The following ENDOD1 variants were observed in gnomAD, a reference collection of about 807,000 sequenced individuals.
The protein encoded by ENDOD1 is endonuclease domain containing 1.
Under a neutral mutation model 6.5 loss-of-function variants are expected in ENDOD1, and 9 were observed. The observed-to-expected ratio is 1.39, with a 90% CI of 0.84 to 2.43. ENDOD1 has a LOEUF of 2.43. Among genes scored for constraint, ENDOD1 ranks in the 30% most tolerant of loss-of-function variants. The pLI, the probability that ENDOD1 is intolerant of heterozygous loss-of-function variation, is 0.00. For synonymous variants in ENDOD1, 255 were observed against 255.2 expected, an observed-to-expected ratio of 1.00 and a Z score of 0.01; for missense variants, 648 against 635.5, an observed-to-expected ratio of 1.02 and a Z score of -0.21.
intron 1 of ENDOD1, among the ~76,000 whole-genome samples, chr11:95,122,489 C>T (rs559299247): frequency 4.1e-5 from 4 of 98,280 alleles, no homozygotes; most frequent in African/African-American, 1.6e-4. Context: ...TCCAACCACT[C>T]AGCCTCCCAA....
At chr11:95,100,625 A>C (rs1433216466) in intron 1 of ENDOD1, among the ~76,000 whole-genome samples, 1 of 150,994 alleles carries the variant, frequency 6.6e-6, no homozygotes, top group Non-Finnish European at 1.5e-5. Flanking sequence ...AGTAGACCAC[A>C]GGCATGTGCC....
intron 1 of ENDOD1, among the ~76,000 whole-genome samples, chr11:95,108,714 G>A (rs1200842861): frequency 6.6e-5 from 10 of 151,918 alleles, no homozygotes; most frequent in African/African-American, 2.4e-4. Flanking sequence ...CTCCTCAAAT[G>A]TCCTTAATCT....
chr11:95,122,224 TA>T (rs1348757011), intron 1 of ENDOD1, among the ~76,000 whole-genome samples: 3 of 152,200 alleles, frequency 2.0e-5, no homozygotes, highest in East Asian at 1.9e-4. Flanking sequence ...TTTTTCTATA[TA>T]TTTTTTTCAG....
intron 1 of ENDOD1, among the ~76,000 whole-genome samples, chr11:95,114,585 C>G (rs1175904683): frequency 6.6e-6 from 1 of 152,164 alleles, no homozygotes; most frequent in Non-Finnish European, 1.5e-5. Context: ...GAGCAGTGTC[C>G]TATAAAGTTT....
chr11:95,125,506 A>C (rs555886880), intron 1 of ENDOD1, among the ~76,000 whole-genome samples: 1 of 152,132 alleles, frequency 6.6e-6, no homozygotes, highest in South Asian at 2.1e-4. Context: ...GGTTTGTTAC[A>C]TATGTATACA....
intron 1 of ENDOD1, among the ~76,000 whole-genome samples, chr11:95,112,977 C>A (rs1404916313): frequency 6.6e-6 from 1 of 151,090 alleles, no homozygotes; most frequent in Non-Finnish European, 1.5e-5. Context: ...GGCACGTGGT[C>A]CCGTCACATA....
At chr11:95,108,534 C>CACACACACAAAAA (rs1176686943) in intron 1 of ENDOD1, among the ~76,000 whole-genome samples, 7 of 141,756 alleles carry the variant, frequency 4.9e-5, no homozygotes, top group African/African-American at 1.8e-4. Flanking sequence ...CACAGACACC[C>CACACACACAAAAA]AAAAAAAGAA....
In ENDOD1 at chr11:95,128,998, A is replaced by T. The variant is rs1359343743; in HGVS notation, c.922A>T (p.Thr308Ser). The T allele has an allele frequency of 1.2e-6, 2 of 1,613,948 alleles. No homozygotes were observed. Among genetic ancestry groups the T allele is most frequent in the African/African-American group, 1.3e-5 (1 of 75,028 alleles). ...SQKSSSPLSS[T>S]RSKRSTLLPP... is the part of the protein sequence containing the mutation. ...AAAGAGTTCTAGTCCCCTTTCTAGC[A>T]CCAGGAGCAAGAGGTCTACTCTGTT... is the stretch of plus-strand genomic sequence containing the variant. The change falls in exon 2 of 2, where the codon ACC becomes TCC. Residue 308 changes from threonine to serine, a missense_variant. Thr to Ser is a moderately conservative substitution (Grantham distance 58). Transcript: ENST00000278505.
At chr11:95,093,346 T>G (rs1237043249) in intron 1 of ENDOD1, among the ~76,000 whole-genome samples, 1 of 152,138 alleles carries the variant, frequency 6.6e-6, no homozygotes, top group African/African-American at 2.4e-5. Flanking sequence ...GCTGATTCCC[T>G]TTGCCCAAAT....
intron 1 of ENDOD1, among the ~76,000 whole-genome samples, chr11:95,119,312 A>G (rs1271239356): frequency 2.0e-5 from 3 of 152,212 alleles, no homozygotes; most frequent in African/African-American, 7.2e-5. Flanking sequence ...TCCTTCTTGG[A>G]AGGCTTTCCA....
intron 1 of ENDOD1, among the ~76,000 whole-genome samples, chr11:95,112,486 G>C (rs565512249): frequency 6.6e-6 from 1 of 152,278 alleles, no homozygotes; most frequent in South Asian, 2.1e-4. Flanking sequence ...TTATGTGAAG[G>C]GTAAATGGGA....
rs565623355 is a variant in ENDOD1, at chr11:95,113,030, T to C, written c.301-15347T>C. On this transcript the variant is annotated intron_variant, in intron 1 of 1. Coordinates refer to ENST00000278505, the MANE Select transcript of ENDOD1 (RefSeq NM_015036.3). ...GGCAAATTACTGAAGCTTTTTTTTTTTTAATTTAAATTTTTTTGTGGGTAC... is the reference window on the plus strand; with the variant it reads ...GGCAAATTACTGAAGCTTTTTTTTTCTTAATTTAAATTTTTTTGTGGGTAC... Among the ~76,000 whole-genome samples, 37 of 152,140 alleles carry C rather than the reference T, an allele frequency of 2.4e-4. No homozygotes were observed. The South Asian group carries it at 6.6e-3, about 27-fold the overall frequency.
intron 1 of ENDOD1, among the ~76,000 whole-genome samples, chr11:95,091,158 C>T (rs1406780801): frequency 1.3e-5 from 2 of 152,130 alleles, no homozygotes; most frequent in East Asian, 3.9e-4. Context: ...TCTAGAACAC[C>T]CTGCCAGACT....
intron 1 of ENDOD1, among the ~76,000 whole-genome samples, chr11:95,126,960 A>G (rs1034477430): frequency 3.3e-5 from 5 of 152,174 alleles, no homozygotes; most frequent in African/African-American, 1.2e-4. Context: ...TGCTGGGATT[A>G]CAGGCATGAA....
chr11:95,098,603 G>A (rs1555110567), intron 1 of ENDOD1, among the ~76,000 whole-genome samples: 1 of 152,152 alleles, frequency 6.6e-6, no homozygotes, highest in Non-Finnish European at 1.5e-5. Context: ...CACTCTGAGT[G>A]CGAGATACCT....
intron 1 of ENDOD1, among the ~76,000 whole-genome samples, chr11:95,103,045 C>G (rs2134164528): frequency 6.6e-6 from 1 of 151,618 alleles, no homozygotes; most frequent in East Asian, 1.9e-4. Flanking sequence ...GGGTACCATT[C>G]TATTTTTCAA....
rs1290799204 is a variant in ENDOD1, at chr11:95,090,131, C to T, written c.204C>T (p.Leu68=). 5 of 1,545,948 alleles carry T rather than the reference C, an allele frequency of 3.2e-6. No homozygotes were observed. Among genetic ancestry groups the T allele is most frequent in the South Asian group, 1.2e-5 (1 of 82,648 alleles). ...AGGGTGCTGAGCGCTTCGCCACCCT[C>T]TACAGCACCCGGGACCGCATCCCCG... The part of the protein sequence containing the change: ...RAEGAERFAT[L]YSTRDRIPVY... The change falls in exon 1 of 2, where the codon CTC becomes CTT. Residue 68 remains leucine, a synonymous_variant. Transcript: ENST00000278505.
In ENDOD1 at chr11:95,115,729, A is replaced by G. The variant is rs898886148; in HGVS notation, c.301-12648A>G. 3.9e-5 allele frequency among the ~76,000 whole-genome samples: 6 copies of G among 152,220 alleles called. No individual in the cohort carries two copies. In the East Asian group the frequency reaches 5.8e-4, roughly 15 times the overall value. On this transcript the variant is annotated intron_variant, in intron 1 of 1. Transcript: ENST00000278505. ...GTTGAATTCTATCAAATGCTTTTTC[A>G]TCATCAGTTGAGATGATAATAAGGT... is the stretch of plus-strand genomic sequence containing the variant.
At position 95,128,811 on chromosome 11, in the gene ENDOD1, C is replaced by G; in HGVS notation, c.735C>G (p.Ile245Met). The change falls in exon 2 of 2, where the codon ATC becomes ATG. Residue 245 changes from isoleucine (I) to methionine (M), a missense_variant. Physicochemically the swap from Ile to Met is conservative, Grantham distance 10. Transcript: ENST00000278505. ...TCAAGCACACCCGGGACAGTGACAT[C>G]ATAGAAGATGTGATGGTAAAAGATC... ...GFVKHTRDSD[I>M]IEDVMVKDLQ... 1 of 1,614,156 alleles carries G rather than the reference C, an allele frequency of 6.2e-7. No homozygotes were observed. Among genetic ancestry groups the G allele is most frequent in the East Asian group, 2.2e-5 (1 of 44,884 alleles).
Sources: gnomAD v4.1 joint callset for allele counts (sites outside exome capture counted in the v4.1 genomes callset) on GRCh38, gnomAD v4.1.1 for gene constraint, MANE v1.5 for transcripts, NCBI Gene and HGNC (gene_info 2026-07-23, HGNC 2026-07-21) for gene names.